Variants in VAX2 observed in about 807,000 individuals in gnomAD.
The protein encoded by VAX2 is ventral anterior homeobox 2.
In VAX2, 8 loss-of-function variants were observed where a neutral mutation model predicts 12.5. That is an observed-to-expected ratio of 0.64 (90% CI 0.37 to 1.15). The LOEUF is 1.15. Among genes scored for constraint, VAX2 ranks in the 50% most tolerant of loss-of-function variants. VAX2 has a pLI of 0.01. For synonymous variants in VAX2, 183 were observed against 187.6 expected, an observed-to-expected ratio of 0.98 and a Z score of 0.20; for missense variants, 476 against 412.9, an observed-to-expected ratio of 1.15 and a Z score of -1.32.
chr2:70,909,240 A>G (rs1553410948), intron 1 of VAX2, among the ~76,000 whole-genome samples: 1 of 152,124 alleles, frequency 6.6e-6, no homozygotes, highest in East Asian at 1.9e-4. Flanking sequence ...ACAATAGCAC[A>G]CTATAACCTT....
At chr2:70,913,265 T>C (rs781865349) in intron 1 of VAX2, among the ~76,000 whole-genome samples, 1 of 152,206 alleles carries the variant, frequency 6.6e-6, no homozygotes, top group Non-Finnish European at 1.5e-5. Context: ...ACACACACAC[T>C]CTCTGGTTAT....
intron 2 of VAX2, among the ~76,000 whole-genome samples, chr2:70,922,173 C>T (rs1482288841): frequency 6.6e-6 from 1 of 152,212 alleles, no homozygotes; most frequent in Non-Finnish European, 1.5e-5. Context: ...CAAAGAATAA[C>T]TCAGAGACCC....
At chr2:70,927,559 TG>T (rs1219250946) in intron 2 of VAX2, among the ~76,000 whole-genome samples, 4 of 150,276 alleles carry the variant, frequency 2.7e-5, no homozygotes, top group Non-Finnish European at 5.9e-5. Flanking sequence ...TATGGGCCCA[TG>T]GTCACAGAAA....
rs138018627 is a variant in VAX2, at chr2:70,927,540, C to G, written c.436-5227C>G. On this transcript the variant is annotated intron_variant, in intron 2 of 2. Coordinates refer to ENST00000234392, the MANE Select transcript of VAX2 (RefSeq NM_012476.3). ...CTAGATACACAGATACCACTCACCT[C>G]AGATTAAGTATGGGCCCATGGTCAC... Among the ~76,000 whole-genome samples, 591 of 150,870 alleles carry G rather than the reference C, an allele frequency of 3.9e-3. 3 individuals are homozygous for G. Among genetic ancestry groups the G allele is most frequent in the African/African-American group, 0.014 (566 of 40,994 alleles).
At chr2:70,925,198 A>T (rs1187596617) in intron 2 of VAX2, among the ~76,000 whole-genome samples, 1 of 152,146 alleles carries the variant, frequency 6.6e-6, no homozygotes, top group East Asian at 1.9e-4. Flanking sequence ...GTGACAGGAG[A>T]TGATTGGCAT....
intron 2 of VAX2, among the ~76,000 whole-genome samples, chr2:70,929,686 C>CA (rs59020150): frequency 0.018 from 2,611 of 142,792 alleles, 98 homozygotes; most frequent in African/African-American, 0.058. Context: ...GACTCCATCT[C>CA]AAAAAAAAAA....
At chr2:70,926,150 T>C (rs1244154313) in intron 2 of VAX2, among the ~76,000 whole-genome samples, 4 of 152,108 alleles carry the variant, frequency 2.6e-5, no homozygotes, top group African/African-American at 7.2e-5. Flanking sequence ...GCAGGCAGAA[T>C]GGCGAAGCCC....
Position 70,900,584 on chromosome 2 carries a change from C to G in VAX2, c.-38C>G. The G allele has an allele frequency of 1.6e-6, 2 of 1,238,326 alleles. No individual in the cohort carries two copies. The allele number at this position is 1,238,326 out of a possible 1,614,324, so 76.7% of individuals were successfully genotyped here. A position where few individuals can be genotyped will look rare whatever the true frequency, so the allele number is the denominator to read the frequency against. ...GAGCGGCGCTCCCGGCCAGCGTAGG[C>G]TGGCTCCGCCGTAGAGGGGTTGGCA... On this transcript the variant is annotated 5_prime_UTR_variant, in exon 1 of 3. Coordinates refer to ENST00000234392, the MANE Select transcript of VAX2 (RefSeq NM_012476.3).
chr2:70,933,049 C>G lies in VAX2; in HGVS notation c.718C>G (p.Pro240Ala), dbSNP rs368886091. The change falls in exon 3 of 3, where the codon CCA (proline) becomes GCA (alanine). Residue 240 changes from proline to alanine, a missense_variant. Transcript: ENST00000234392. ...NPLSSASASP[P>A]LPPPLPAVCF... Reference sequence around the variant, plus strand: ...GCTGTCCTCGGCCTCAGCGTCCCCCCCACTGCCGCCCCCTCTGCCAGCTGT... The same window carrying G: ...GCTGTCCTCGGCCTCAGCGTCCCCCGCACTGCCGCCCCCTCTGCCAGCTGT... 5.0e-6 allele frequency: 8 copies of G among 1,602,760 alleles called. No homozygotes were observed. The South Asian group carries it at 6.7e-5, about 13-fold the overall frequency.
intron 1 of VAX2, among the ~76,000 whole-genome samples, chr2:70,906,954 T>C (rs1309216830): frequency 6.6e-6 from 1 of 152,232 alleles, no homozygotes; most frequent in East Asian, 1.9e-4. Flanking sequence ...TCTTCCCGGA[T>C]GCTTTTAGTG....
chr2:70,922,991 C>T (rs1177626664), intron 2 of VAX2, among the ~76,000 whole-genome samples: 1 of 151,702 alleles, frequency 6.6e-6, no homozygotes, highest in Non-Finnish European at 1.5e-5. Flanking sequence ...GAGACCCTTC[C>T]ACATGGCGTG....
chr2:70,914,216 G>A lies in VAX2; in HGVS notation c.248-6882G>A, dbSNP rs555501094. ...TAATCCCAGCATTTTGGGAGGCCAA[G>A]GTGGGTGGATCACTTGAGGTCAAGA... On this transcript the variant is annotated intron_variant, in intron 1 of 2. Transcript: ENST00000234392. Among the ~76,000 whole-genome samples, 9 of 152,318 alleles carry A rather than the reference G, an allele frequency of 5.9e-5. No homozygotes were observed. In the East Asian group the frequency reaches 1.5e-3, roughly 26 times the overall value.
intron 1 of VAX2, among the ~76,000 whole-genome samples, chr2:70,907,928 C>A (rs1309376241): frequency 6.6e-6 from 1 of 152,172 alleles, no homozygotes; most frequent in South Asian, 2.1e-4. Context: ...TCTGCTGAAC[C>A]AGTTCTTGCT....
chr2:70,901,286 G>A (rs1256162052), intron 1 of VAX2, among the ~76,000 whole-genome samples: 1 of 152,382 alleles, frequency 6.6e-6, no homozygotes, highest in East Asian at 1.9e-4. Context: ...GGAGGAAAAG[G>A]CCCCGGCTCT....
At position 70,900,942 on chromosome 2, in the gene VAX2, A is replaced by G. The variant is rs902588422; in HGVS notation, c.247+74A>G. 7 of 1,236,046 alleles carry G rather than the reference A, an allele frequency of 5.7e-6. No individual in the cohort carries two copies. The East Asian group carries it at 1.9e-4, about 33-fold the overall frequency. The allele number at this position is 1,236,046 out of a possible 1,614,324, so 76.6% of individuals were successfully genotyped here. A position where few individuals can be genotyped will look rare whatever the true frequency, so the allele number is the denominator to read the frequency against. On this transcript the variant is annotated intron_variant, in intron 1 of 2. Coordinates refer to ENST00000234392, the MANE Select transcript of VAX2 (RefSeq NM_012476.3). ...ATACTGGGGCCCCCGACCTAGCTGC[A>G]GCTGACACCTCTCAATTCATATATT...
chr2:70,925,794 C>T (rs373860043), intron 2 of VAX2, among the ~76,000 whole-genome samples: 8 of 152,148 alleles, frequency 5.3e-5, no homozygotes, highest in South Asian at 2.1e-4. Context: ...CTTTTGGGCC[C>T]GAGGGATTCA....
chr2:70,905,400 C>T (rs979207004), intron 1 of VAX2, among the ~76,000 whole-genome samples: 4 of 152,082 alleles, frequency 2.6e-5, no homozygotes, highest in Non-Finnish European at 2.9e-5. Flanking sequence ...GCAGGAGGCC[C>T]ACATTCCCAT....
intron 1 of VAX2, among the ~76,000 whole-genome samples, chr2:70,915,355 A>G (rs1487545232): frequency 6.6e-6 from 1 of 151,828 alleles, no homozygotes; most frequent in Non-Finnish European, 1.5e-5. Context: ...TCAGCCTCCC[A>G]AGTAGCTGGA....
In VAX2 at chr2:70,933,023, C is replaced by A. The variant is rs376990356; in HGVS notation, c.692C>A (p.Pro231Gln). 16 of 1,598,074 alleles carry A rather than the reference C, an allele frequency of 1.0e-5. No homozygotes were observed. The highest frequency in any genetic ancestry group is 1.4e-5 in the Non-Finnish European group (16 of 1,171,620). The change falls in exon 3 of 3, where the codon CCG (proline) becomes CAG (glutamine). Residue 231 changes from proline to glutamine, a missense_variant. Transcript: ENST00000234392. ...DPRNSSPRLN[P>Q]LSSASASPPL... ...AGGAACTCCTCCCCACGCCTCAACC[C>A]GCTGTCCTCGGCCTCAGCGTCCCCC...
Sources: gnomAD v4.1 joint callset for allele counts (sites outside exome capture counted in the v4.1 genomes callset) on GRCh38, gnomAD v4.1.1 for gene constraint, MANE v1.5 for transcripts, NCBI Gene and HGNC (gene_info 2026-07-23, HGNC 2026-07-21) for gene names.